COL25A1: variants seen among roughly 807,000 people sequenced by gnomAD.
COL25A1 encodes collagen alpha-1(XXV) chain.
In COL25A1, 103 loss-of-function variants were observed where a neutral mutation model predicts 128.4. The ratio of observed to expected loss-of-function variants is 0.80; its 90% CI spans 0.68 to 0.94. The LOEUF (loss-of-function observed/expected upper bound fraction) is 0.94, where lower values mean the gene tolerates loss of function less well. Ranked by LOEUF, COL25A1 falls within the 40% of genes least tolerant of loss-of-function variation. The pLI, the probability that COL25A1 is intolerant of heterozygous loss-of-function variation, is 0.00. For missense variants in COL25A1, 745 were observed against 840.0 expected (o/e 0.89, Z 1.40); for synonymous variants, 279 against 277.2 (o/e 1.01, Z -0.06).
chr4:108,832,635 G>A (rs1354955523), intron 31 of COL25A1: 1 of 464,986 alleles, frequency 2.2e-6, no homozygotes, highest in Non-Finnish European at 3.8e-6. Context: ...ATAACTGCAT[G>A]TTTCAATGAA....
chr4:109,265,216 T>C (rs1005289724), intron 3 of COL25A1, among the ~76,000 whole-genome samples: 2 of 152,180 alleles, frequency 1.3e-5, no homozygotes, highest in African/African-American at 4.8e-5. Flanking sequence ...GCTATATCTG[T>C]TTTAACTCTC....
intron 3 of COL25A1, among the ~76,000 whole-genome samples, chr4:109,104,254 T>A (rs1766180088): frequency 6.6e-6 from 1 of 152,066 alleles, no homozygotes; most frequent in African/African-American, 2.4e-5. Flanking sequence ...ATACCCATAG[T>A]CCTAGCTACT....
Position 108,937,825 on chromosome 4 carries a change from C to T in COL25A1, c.691G>A (p.Gly231Arg). Reference protein sequence around the residue: ...PGVPGEPGKPGEQGLMGPLGP... With the variant: ...PGVPGEPGKPREQGLMGPLGP... ...ATACTTGCCATCAAGCCTTGTTCTC[C>T]TGGCTTTCCTGGTTCACCCTTAAAA... The change falls in exon 11 of 38, where the codon GGA (glycine) becomes AGA (arginine). Residue 231 changes from glycine (G) to arginine (R), a missense_variant. By Grantham distance (125) the Gly-to-Arg change is moderately radical. Transcript: ENST00000399132. 6.2e-7 allele frequency: 1 copy of T among 1,607,602 alleles called. No homozygotes were observed. The highest frequency in any genetic ancestry group is 8.5e-7 in the Non-Finnish European group (1 of 1,177,310).
chr4:109,164,079 C>T (rs560275430), intron 3 of COL25A1, among the ~76,000 whole-genome samples: 1 of 151,968 alleles, frequency 6.6e-6, no homozygotes, highest in South Asian at 2.1e-4. Flanking sequence ...GAAGAGAATG[C>T]TATGTATTCA....
chr4:109,100,080 G>T (rs1765752699), intron 3 of COL25A1, among the ~76,000 whole-genome samples: 1 of 152,074 alleles, frequency 6.6e-6, no homozygotes. Context: ...AAGAAATCGG[G>T]CACATCCATA....
At chr4:109,175,039 G>A (rs1375426558) in intron 3 of COL25A1, among the ~76,000 whole-genome samples, 1 of 152,158 alleles carries the variant, frequency 6.6e-6, no homozygotes, top group African/African-American at 2.4e-5. Context: ...CTGGTGATCT[G>A]AGGTGGAATA....
rs528691364 is a variant in COL25A1 at position 109,285,622 on chromosome 4, G to A, written c.367+14961C>T. Among the ~76,000 whole-genome samples, 3 of 152,294 alleles carry A rather than the reference G, an allele frequency of 2.0e-5. No individual in the cohort carries two copies. The South Asian group carries it at 6.2e-4, about 32-fold the overall frequency. On this transcript the variant is annotated intron_variant, in intron 3 of 37. Transcript: ENST00000399132. ...GTTGTGAGAAGCTGAATGCTGACTC[G>A]AGAGAGCTGATGGTTCAGCTTTCAG...
chr4:109,216,993 T>C (rs1351855647), intron 3 of COL25A1, among the ~76,000 whole-genome samples: 1 of 152,096 alleles, frequency 6.6e-6, no homozygotes, highest in Non-Finnish European at 1.5e-5. Flanking sequence ...AAGGAAATTC[T>C]TAGAGCAACA....
chr4:108,967,467 C>T (rs572691232), intron 8 of COL25A1, among the ~76,000 whole-genome samples: 1 of 152,272 alleles, frequency 6.6e-6, no homozygotes, highest in East Asian at 1.9e-4. Flanking sequence ...CCATATTCCT[C>T]ATATGAAATA....
intron 22 of COL25A1, 31 bp downstream of exon 22, chr4:108,862,470 G>A (rs1737356961): frequency 6.4e-7 from 1 of 1,562,076 alleles, no homozygotes; most frequent in African/African-American, 1.4e-5. Flanking sequence ...AAGGCCTCAT[G>A]TTATATTTAA....
At chr4:109,090,416 G>A (rs1185743100) in intron 3 of COL25A1, among the ~76,000 whole-genome samples, 4 of 152,090 alleles carry the variant, frequency 2.6e-5, no homozygotes, top group Admixed American at 6.5e-5. Context: ...AAACATAGAG[G>A]AGAGTATCTG....
intron 31 of COL25A1, among the ~76,000 whole-genome samples, chr4:108,836,858 C>T (rs1197168608): frequency 6.6e-6 from 1 of 152,146 alleles, no homozygotes; most frequent in Non-Finnish European, 1.5e-5. Flanking sequence ...GCGGGTGGAT[C>T]ACCTGAGGTC....
At chr4:109,278,610 G>A (rs904632147) in intron 3 of COL25A1, among the ~76,000 whole-genome samples, 2 of 152,066 alleles carry the variant, frequency 1.3e-5, no homozygotes, top group South Asian at 4.2e-4. Flanking sequence ...CTTAGGCCTG[G>A]CTAATTGCAG....
chr4:109,021,739 T>C (rs1346296454), intron 5 of COL25A1: 11 of 453,400 alleles, frequency 2.4e-5, no homozygotes, highest in Non-Finnish European at 4.0e-5. Context: ...GCAAGGAATA[T>C]AATATTAAGA....
intron 5 of COL25A1, among the ~76,000 whole-genome samples, chr4:109,014,435 T>A (rs531678580): frequency 1.3e-3 from 193 of 152,244 alleles, no homozygotes; most frequent in African/African-American, 4.5e-3. Flanking sequence ...AATGAAAAAT[T>A]TGTTTAGTAT....
intron 3 of COL25A1, among the ~76,000 whole-genome samples, chr4:109,295,170 A>G (rs1030619217): frequency 6.6e-6 from 1 of 152,114 alleles, no homozygotes; most frequent in East Asian, 1.9e-4. Flanking sequence ...AGAAAGAGAA[A>G]AGAGTAGTTT....
intron 3 of COL25A1, among the ~76,000 whole-genome samples, chr4:109,291,927 AGAT>A (rs993259884): frequency 2.0e-5 from 3 of 152,268 alleles, no homozygotes; most frequent in East Asian, 1.9e-4. Context: ...CCCATTAAAG[AGAT>A]GATATTATAT....
rs188498960 is a variant in COL25A1, at chr4:109,294,744, T to G, written c.367+5839A>C. ...AAGTGATAGTATGAAATAAAAACCT[T>G]TTTCATGATAGGTTCTGGACGGTTT... is the stretch of plus-strand genomic sequence containing the variant. On this transcript the variant is annotated intron_variant, in intron 3 of 37. Transcript: ENST00000399132. Among the ~76,000 whole-genome samples, 669 of 152,220 alleles carry G rather than the reference T, an allele frequency of 4.4e-3. 4 individuals are homozygous for G. Among genetic ancestry groups the G allele is most frequent in the South Asian group, 0.012 (60 of 4,828 alleles).
intron 35 of COL25A1, chr4:108,819,894 T>C (rs1473975882): frequency 2.5e-6 from 3 of 1,223,202 alleles, no homozygotes; most frequent in Admixed American, 4.2e-5. Context: ...CTTTCCCTTT[T>C]CCCCCTGTGG....
Sources: allele counts gnomAD v4.1 joint callset (sites outside exome capture counted in the v4.1 genomes callset), GRCh38; gene constraint gnomAD v4.1.1; transcripts MANE v1.5; gene names NCBI Gene and HGNC (gene_info 2026-07-23, HGNC 2026-07-21).